ENOX1: variants seen among roughly 807,000 people sequenced by gnomAD.
ENOX1 encodes the protein candidate growth-related and time keeping constitutive hydroquinone (NADH) oxidase.
Under a neutral mutation model 82.5 loss-of-function variants are expected in ENOX1, and 42 were observed. The ratio of observed to expected loss-of-function variants is 0.51; its 90% CI spans 0.40 to 0.66. The LOEUF is 0.66. Ranked by LOEUF, ENOX1 falls within the 30% of genes least tolerant of loss-of-function variation. ENOX1 has a pLI of 0.00. For missense variants in ENOX1, 608 were observed against 811.6 expected (o/e 0.75, Z 3.05); for synonymous variants, 271 against 282.2 (o/e 0.96, Z 0.40).
chr13:43,496,160 T>C (rs1485275578), intron 2 of ENOX1, among the ~76,000 whole-genome samples: 1 of 149,838 alleles, frequency 6.7e-6, no homozygotes, highest in Non-Finnish European at 1.5e-5. Context: ...CTTTAATGTT[T>C]GTGGAGTATA....
At chr13:43,754,211 ATG>A (rs202167643) in intron 1 of ENOX1, among the ~76,000 whole-genome samples, 2,182 of 148,436 alleles carry the variant, frequency 0.015, 49 homozygotes, top group African/African-American at 0.049. Context: ...ATATGTATAT[ATG>A]TGTGTACATA....
At chr13:43,549,379 A>G (rs2079094888) in intron 2 of ENOX1, among the ~76,000 whole-genome samples, 3 of 152,256 alleles carry the variant, frequency 2.0e-5, no homozygotes, top group African/African-American at 7.2e-5. Flanking sequence ...AACTCAGACA[A>G]GAATAGCAAA....
At chr13:43,750,651 C>T (rs187870513) in intron 1 of ENOX1, among the ~76,000 whole-genome samples, 1 of 152,272 alleles carries the variant, frequency 6.6e-6, no homozygotes, top group Admixed American at 6.5e-5. Context: ...ACAAGACTGA[C>T]AGATGTCCCC....
chr13:43,326,297 G>C, intron 10 of ENOX1, 122 bp downstream of exon 10: 1 of 779,824 alleles, frequency 1.3e-6, no homozygotes. Flanking sequence ...AGCTGACAGT[G>C]AGATCAGACA....
rs75251294 is a variant in ENOX1, at chr13:43,528,846, T to C, written c.-218-44694A>G. On this transcript the variant is annotated intron_variant, in intron 2 of 16. Transcript: ENST00000690772. ...GTAGATTTTTTAATATATAGGTTAT[T>C]TGTCTTTCATCATGCTGGGAAAGTG... Among the ~76,000 whole-genome samples, 24 of 152,160 alleles carry C rather than the reference T, an allele frequency of 1.6e-4. No homozygotes were observed. The East Asian group carries it at 4.1e-3, about 26-fold the overall frequency.
chr13:43,451,544 A>G (rs1255242137), intron 3 of ENOX1, among the ~76,000 whole-genome samples: 1 of 152,238 alleles, frequency 6.6e-6, no homozygotes, highest in African/African-American at 2.4e-5. Context: ...ACAATTAGAA[A>G]TAAATGGTGT....
intron 5 of ENOX1, among the ~76,000 whole-genome samples, chr13:43,381,348 G>A (rs2052026983): frequency 6.6e-6 from 1 of 151,438 alleles, no homozygotes; most frequent in Admixed American, 6.6e-5. Flanking sequence ...TAGAAGTACT[G>A]TGAATTAAAA....
intron 8 of ENOX1, among the ~76,000 whole-genome samples, chr13:43,346,897 A>G (rs1294536105): frequency 6.6e-6 from 1 of 152,158 alleles, no homozygotes; most frequent in Non-Finnish European, 1.5e-5. Context: ...TGAAAAGATA[A>G]CAACAGAAAA....
At chr13:43,764,681 C>T (rs1246315156) in intron 1 of ENOX1, among the ~76,000 whole-genome samples, 3 of 151,958 alleles carry the variant, frequency 2.0e-5, no homozygotes, top group Non-Finnish European at 4.4e-5. Context: ...TGTACAAAAT[C>T]TAACAAAAAC....
At chr13:43,527,253 T>C (rs190279669) in intron 2 of ENOX1, among the ~76,000 whole-genome samples, 1 of 152,224 alleles carries the variant, frequency 6.6e-6, no homozygotes, top group East Asian at 1.9e-4. Context: ...CACTTAATAA[T>C]AAATTAATAA....
intron 2 of ENOX1, among the ~76,000 whole-genome samples, chr13:43,504,210 T>C (rs1410926517): frequency 6.6e-6 from 1 of 151,776 alleles, no homozygotes; most frequent in East Asian, 1.9e-4. Flanking sequence ...AAGGAACCTT[T>C]ATAAGCTGTT....
chr13:43,440,957 C>G (rs1458295654), intron 3 of ENOX1, among the ~76,000 whole-genome samples: 2 of 152,192 alleles, frequency 1.3e-5, no homozygotes, highest in African/African-American at 4.8e-5. Context: ...TACACCACCT[C>G]TGTGGTATTC....
rs2083649635 is a variant in ENOX1, at chr13:43,641,529, A to ATCTTTT, written c.-219+25949_-219+25950insAAAAGA. Among the ~76,000 whole-genome samples, 26 of 83,122 alleles carry ATCTTTT rather than the reference A, an allele frequency of 3.1e-4. No homozygotes were observed. In the Admixed American group the frequency reaches 4.5e-3, roughly 14 times the overall value. The allele number at this position is 83,122 out of a possible 152,430, so 54.5% of individuals were successfully genotyped here. A position where few individuals can be genotyped will look rare whatever the true frequency, so the allele number is the denominator to read the frequency against. On this transcript the variant is annotated intron_variant, in intron 2 of 16. Transcript: ENST00000690772. The stretch of plus-strand genomic sequence containing the variant: ...AGTAACAGAGTAACATTAATTTTTA[A>ATCTTTT]TTTTTTTTTTTTTTTTTTTTTTTTG...
intron 5 of ENOX1, among the ~76,000 whole-genome samples, chr13:43,399,514 C>T (rs754981922): frequency 2.0e-5 from 3 of 152,232 alleles, no homozygotes; most frequent in Non-Finnish European, 2.9e-5. Flanking sequence ...GGTCACTCTT[C>T]TCCCCTTCCC....
At chr13:43,567,240 T>C (rs1217057445) in intron 2 of ENOX1, among the ~76,000 whole-genome samples, 1 of 152,126 alleles carries the variant, frequency 6.6e-6, no homozygotes, top group Non-Finnish European at 1.5e-5. Context: ...AAGGTCAATA[T>C]CAAGACATAT....
intron 1 of ENOX1, among the ~76,000 whole-genome samples, chr13:43,772,749 TAAAAAA>T (rs35359203): frequency 8.0e-5 from 9 of 112,110 alleles, no homozygotes; most frequent in African/African-American, 3.1e-4. Context: ...ACTCTGTCTT[TAAAAAA>T]AAAAAAAAAA....
intron 2 of ENOX1, among the ~76,000 whole-genome samples, chr13:43,660,398 T>A (rs1402755589): frequency 3.3e-5 from 5 of 152,212 alleles, no homozygotes; most frequent in Non-Finnish European, 7.4e-5. Context: ...TCAGTCTTTA[T>A]CCTTTTGCAT....
intron 1 of ENOX1, among the ~76,000 whole-genome samples, chr13:43,777,421 G>A (rs143780580): frequency 2.2e-4 from 34 of 152,188 alleles, no homozygotes; most frequent in Middle Eastern, 6.8e-3. Flanking sequence ...GTAAAACTGA[G>A]GAAATCTGAA....
At chr13:43,498,681 C>G (rs992682932) in intron 2 of ENOX1, among the ~76,000 whole-genome samples, 5 of 151,838 alleles carry the variant, frequency 3.3e-5, no homozygotes, top group Non-Finnish European at 5.9e-5. Flanking sequence ...CTAGTTAGAA[C>G]TGCTACAGGC....
Sources: gnomAD v4.1 joint callset for allele counts (sites outside exome capture counted in the v4.1 genomes callset) on GRCh38, gnomAD v4.1.1 for gene constraint, MANE v1.5 for transcripts, NCBI Gene and HGNC (gene_info 2026-07-23, HGNC 2026-07-21) for gene names.